Variants in EYS observed in about 807,000 individuals in gnomAD.
EYS encodes protein eyes shut homolog.
EYS carries 250 observed loss-of-function variants against 282.1 expected under a neutral mutation model. That is an observed-to-expected ratio of 0.89 (90% CI 0.80 to 0.98). The LOEUF is 0.98. EYS is among the 50% of genes least tolerant of loss of function. The pLI is 0.00. For synonymous variants in EYS, 1,355 were observed against 1,282.9 expected, an observed-to-expected ratio of 1.06 and a Z score of -1.20; for missense variants, 4,016 against 3,709.0, an observed-to-expected ratio of 1.08 and a Z score of -2.15.
chr6:63,727,700 A>ATC (rs1768662752), intron 41 of EYS, among the ~76,000 whole-genome samples: 1 of 79,620 alleles, frequency 1.3e-5, no homozygotes, highest in African/African-American at 5.7e-5. Flanking sequence ...GCGAAACACC[A>ATC]TCTCTCAAAA....
intron 2 of EYS, among the ~76,000 whole-genome samples, chr6:65,601,559 G>A: frequency 6.6e-6 from 1 of 151,860 alleles, no homozygotes; most frequent in East Asian, 1.9e-4. Flanking sequence ...TCTGATGGAT[G>A]CTAATTCTAT....
At chr6:65,333,913 TA>T (rs1310002338) in intron 11 of EYS, among the ~76,000 whole-genome samples, 1 of 148,386 alleles carries the variant, frequency 6.7e-6, no homozygotes, top group Non-Finnish European at 1.5e-5. Flanking sequence ...GTTTGAATGA[TA>T]TTTTTTTATT....
At chr6:65,261,954 G>A (rs1221455572) in intron 12 of EYS, among the ~76,000 whole-genome samples, 1 of 151,582 alleles carries the variant, frequency 6.6e-6, no homozygotes, top group African/African-American at 2.4e-5. Context: ...TATATTTATG[G>A]ACACGTTCCT....
In EYS at chr6:64,477,083, C is replaced by T. The variant is rs542166137; in HGVS notation, c.5645-37731G>A. ...AAGAAAGTCCCCAACCAATGACTCACCAAGGCCCTCACACCAGCCCCCACA... is the reference window on the plus strand; with the variant it reads ...AAGAAAGTCCCCAACCAATGACTCATCAAGGCCCTCACACCAGCCCCCACA... On this transcript the variant is annotated intron_variant, in intron 26 of 42. Coordinates refer to ENST00000503581, the MANE Select transcript of EYS (RefSeq NM_001142800.2). 2.6e-5 allele frequency among the ~76,000 whole-genome samples: 4 copies of T among 152,272 alleles called. No individual in the cohort carries two copies. In the South Asian group the frequency reaches 8.3e-4, roughly 32 times the overall value.
chr6:64,430,087 C>A (rs896376419), intron 28 of EYS, among the ~76,000 whole-genome samples: 1 of 152,174 alleles, frequency 6.6e-6, no homozygotes, highest in South Asian at 2.1e-4. Context: ...TATTCCCGCT[C>A]TAATTGACAC....
intron 18 of EYS, among the ~76,000 whole-genome samples, chr6:64,896,859 G>A (rs901970520): frequency 6.6e-5 from 10 of 152,154 alleles, no homozygotes; most frequent in South Asian, 2.1e-4. Context: ...TGGAGGGGGG[G>A]GCCACCACAG....
intron 1 of EYS, among the ~76,000 whole-genome samples, chr6:65,642,028 G>C (rs1013326060): frequency 6.6e-6 from 1 of 151,998 alleles, no homozygotes; most frequent in African/African-American, 2.4e-5. Flanking sequence ...ACACTAGATT[G>C]TAAAGTCCTT....
rs1768401904 is a variant in EYS at position 65,442,870 on chromosome 6, A to G, written c.863-37503T>C. Among the ~76,000 whole-genome samples the G allele has an allele frequency of 2.9e-5, 3 of 102,022 alleles. 1 individual carries two copies. The highest frequency in any genetic ancestry group is 2.5e-4 in the Admixed American group (2 of 8,136). The allele number at this position is 102,022 out of a possible 152,430, so 66.9% of individuals were successfully genotyped here. A position where few individuals can be genotyped will look rare whatever the true frequency, so the allele number is the denominator to read the frequency against. On this transcript the variant is annotated intron_variant, in intron 5 of 42. Coordinates refer to ENST00000503581, the MANE Select transcript of EYS (RefSeq NM_001142800.2). ...CACATACATATGTACATATATACAT[A>G]CATATACACATACATATGTACATAT...
chr6:64,744,876 A>T (rs1029968569), intron 22 of EYS, among the ~76,000 whole-genome samples: 2 of 152,218 alleles, frequency 1.3e-5, no homozygotes, highest in Non-Finnish European at 2.9e-5. Flanking sequence ...CATTATTTCC[A>T]GATATACTGG....
intron 31 of EYS, among the ~76,000 whole-genome samples, chr6:64,175,047 G>A (rs943752607): frequency 4.6e-5 from 7 of 151,862 alleles, no homozygotes; most frequent in Non-Finnish European, 8.8e-5. Flanking sequence ...AATCTTTAAG[G>A]TTTCTTTCCT....
chr6:65,391,173 A>G (rs960869453), intron 7 of EYS, among the ~76,000 whole-genome samples: 3 of 152,054 alleles, frequency 2.0e-5, no homozygotes, highest in Non-Finnish European at 2.9e-5. Flanking sequence ...ATGAGAACAT[A>G]TGTTCTTAAA....
At chr6:65,414,189 C>T (rs1035579516) in intron 5 of EYS, among the ~76,000 whole-genome samples, 10 of 152,100 alleles carry the variant, frequency 6.6e-5, no homozygotes, top group African/African-American at 2.2e-4. Context: ...ATTCAAGAAA[C>T]AGAACGAAAG....
intron 22 of EYS, among the ~76,000 whole-genome samples, chr6:64,726,239 C>G (rs1771751560): frequency 6.6e-6 from 1 of 152,016 alleles, no homozygotes; most frequent in Non-Finnish European, 1.5e-5. Flanking sequence ...TCTAGAAATT[C>G]TAATTATTTG....
chr6:63,737,897 CAA>C (rs1327433382), intron 41 of EYS, among the ~76,000 whole-genome samples: 1 of 126,816 alleles, frequency 7.9e-6, no homozygotes, highest in Non-Finnish European at 1.7e-5. Context: ...AAGAAAAAAA[CAA>C]ACAACCCCAT....
chr6:65,231,000 G>A (rs1302714635), intron 12 of EYS, among the ~76,000 whole-genome samples: 2 of 148,760 alleles, frequency 1.3e-5, no homozygotes, highest in Non-Finnish European at 3.0e-5. Flanking sequence ...AAACCTCCAT[G>A]ATACTAGTTT....
intron 22 of EYS, among the ~76,000 whole-genome samples, chr6:64,761,995 TTAATAA>T (rs1033915312): frequency 2.0e-5 from 3 of 152,148 alleles, no homozygotes; most frequent in Admixed American, 6.5e-5. Flanking sequence ...GTGACTATAC[TTAATAA>T]TAATGAATGA....
rs549620395 is a variant in EYS, at chr6:64,326,805, G to T, written c.6079-19723C>A. ...ACAAATGGAACCAGTAGAAAGGGTT[G>T]CAGGATGGTCACGGGAGCATGTGCA... is the stretch of plus-strand genomic sequence containing the variant. On this transcript the variant is annotated intron_variant, in intron 29 of 42. Coordinates refer to ENST00000503581, the MANE Select transcript of EYS (RefSeq NM_001142800.2). Among the ~76,000 whole-genome samples the T allele has an allele frequency of 5.1e-5, 5 of 99,006 alleles. No homozygotes were observed. The South Asian group carries it at 1.4e-3, about 28-fold the overall frequency. The allele number at this position is 99,006 out of a possible 152,430, so 65.0% of individuals were successfully genotyped here.
intron 30 of EYS, among the ~76,000 whole-genome samples, chr6:64,231,204 C>T (rs574785716): frequency 3.3e-5 from 5 of 152,288 alleles, no homozygotes; most frequent in South Asian, 4.1e-4. Flanking sequence ...TCTGAGTTAA[C>T]TGCTAGAAAT....
chr6:65,547,648 A>G (rs1349782109), intron 2 of EYS, among the ~76,000 whole-genome samples: 1 of 152,190 alleles, frequency 6.6e-6, no homozygotes, highest in African/African-American at 2.4e-5. Context: ...TATTTATGCA[A>G]TAACTGAAAT....
Sources: gnomAD v4.1 joint callset for allele counts (sites outside exome capture counted in the v4.1 genomes callset) on GRCh38, gnomAD v4.1.1 for gene constraint, MANE v1.5 for transcripts, NCBI Gene and HGNC (gene_info 2026-07-23, HGNC 2026-07-21) for gene names.